PLCB1: variants seen among roughly 807,000 people sequenced by gnomAD.
The protein encoded by PLCB1 is 1-phosphatidylinositol 4,5-bisphosphate phosphodiesterase beta-1.
In PLCB1, 46 loss-of-function variants were observed where a neutral mutation model predicts 161.8. The observed-to-expected ratio is 0.28, with a 90% CI of 0.22 to 0.36. The LOEUF is 0.36. Ranked by LOEUF, PLCB1 falls within the 10% of genes least tolerant of loss-of-function variation. The pLI is 1.00. For missense variants in PLCB1, 1,016 were observed against 1,472.5 expected (o/e 0.69, Z 5.07); for synonymous variants, 517 against 503.7 (o/e 1.03, Z -0.35).
intron 3 of PLCB1, among the ~76,000 whole-genome samples, chr20:8,478,371 G>GA (rs1009753579): frequency 3.3e-5 from 5 of 149,458 alleles, no homozygotes; most frequent in East Asian, 1.9e-4. Context: ...AGACTGAGCA[G>GA]AAAAAAAAAA....
chr20:8,279,025 G>A (rs1292139155), intron 2 of PLCB1, among the ~76,000 whole-genome samples: 1 of 151,610 alleles, frequency 6.6e-6, no homozygotes, highest in Non-Finnish European at 1.5e-5. Flanking sequence ...CAAGGATGTA[G>A]AAAAATTAGA....
At chr20:8,430,517 C>T (rs1239801749) in intron 3 of PLCB1, among the ~76,000 whole-genome samples, 3 of 152,160 alleles carry the variant, frequency 2.0e-5, no homozygotes, top group Non-Finnish European at 2.9e-5. Context: ...ATGCAAGTCT[C>T]ATGGGTATAT....
In PLCB1 at chr20:8,386,158, C is replaced by A. The variant is rs748974312; in HGVS notation, c.246+14708C>A. On this transcript the variant is annotated intron_variant, in intron 3 of 31. Coordinates refer to ENST00000338037, the MANE Select transcript of PLCB1 (RefSeq NM_015192.4). ...TAATGTTGATATTTTGACCTTCTCCCATGAATCTTGAATGTTCTTAATGGC... is the reference window on the plus strand; with the variant it reads ...TAATGTTGATATTTTGACCTTCTCCAATGAATCTTGAATGTTCTTAATGGC... Among the ~76,000 whole-genome samples the A allele has an allele frequency of 2.3e-4, 35 of 152,140 alleles. 1 individual carries two copies. Among genetic ancestry groups the A allele is most frequent in the Non-Finnish European group, 5.0e-4 (34 of 68,024 alleles).
chr20:8,309,842 CTAAGAAAGGGATTAGCACGCTAGCCAAT>C (rs1307745504), intron 2 of PLCB1, among the ~76,000 whole-genome samples: 1 of 152,074 alleles, frequency 6.6e-6, no homozygotes. Context: ...AAGTGTTCTT[CTAAGAAAGGGATTAGCACGCTAGCCAAT>C]TAAGGGAGTT....
At chr20:8,541,268 T>C (rs1303305475) in intron 3 of PLCB1, among the ~76,000 whole-genome samples, 1 of 152,162 alleles carries the variant, frequency 6.6e-6, no homozygotes, top group Non-Finnish European at 1.5e-5. Context: ...CTCCAAATAT[T>C]AAGGAAGGCT....
intron 3 of PLCB1, among the ~76,000 whole-genome samples, chr20:8,407,592 A>T (rs1978841550): frequency 6.6e-6 from 1 of 152,210 alleles, no homozygotes; most frequent in African/African-American, 2.4e-5. Context: ...TATCACGAGA[A>T]TAGCATGGGA....
At chr20:8,587,623 T>C (rs1043722643) in intron 3 of PLCB1, among the ~76,000 whole-genome samples, 57 of 152,288 alleles carry the variant, frequency 3.7e-4, no homozygotes, top group African/African-American at 1.3e-3. Context: ...CAAGATTGCA[T>C]GGGGAGGAAT....
intron 31 of PLCB1, among the ~76,000 whole-genome samples, chr20:8,814,577 ATGTGTGTG>A (rs10670728): frequency 3.8e-4 from 55 of 145,286 alleles, no homozygotes; most frequent in African/African-American, 1.2e-3. Context: ...ATGTACTTGC[ATGTGTGTG>A]TGTGTGTGTG....
intron 1 of PLCB1, among the ~76,000 whole-genome samples, chr20:8,138,109 C>G (rs2051366900): frequency 6.6e-6 from 1 of 152,204 alleles, no homozygotes; most frequent in Non-Finnish European, 1.5e-5. Context: ...CTGACTAGTA[C>G]AGTACTGTTG....
At chr20:8,188,289 A>C (rs2051928256) in intron 2 of PLCB1, among the ~76,000 whole-genome samples, 1 of 152,168 alleles carries the variant, frequency 6.6e-6, no homozygotes, top group Admixed American at 6.6e-5. Flanking sequence ...CTTTGGCCAA[A>C]GCAAGTTACA....
chr20:8,133,607 C>T (rs763594722), intron 1 of PLCB1, among the ~76,000 whole-genome samples: 2 of 152,182 alleles, frequency 1.3e-5, no homozygotes, highest in South Asian at 4.1e-4. Flanking sequence ...TTCCCCTCTA[C>T]CCCAGTTGTC....
chr20:8,495,808 A>G (rs1280778338), intron 3 of PLCB1, among the ~76,000 whole-genome samples: 2 of 152,028 alleles, frequency 1.3e-5, no homozygotes, highest in African/African-American at 4.8e-5. Context: ...TGTATTCTCT[A>G]TTCCATCCTT....
At chr20:8,689,080 T>C (rs1990417693) in intron 10 of PLCB1, among the ~76,000 whole-genome samples, 1 of 76,930 alleles carries the variant, frequency 1.3e-5, no homozygotes, top group African/African-American at 6.3e-5. Flanking sequence ...GGTATATTCC[T>C]CAGTATTTTT....
intron 2 of PLCB1, among the ~76,000 whole-genome samples, chr20:8,241,411 G>A (rs556355763): frequency 6.6e-6 from 1 of 151,950 alleles, no homozygotes; most frequent in South Asian, 2.1e-4. Context: ...CACAGCACTT[G>A]AACGCTCTCG....
At chr20:8,873,263 C>T (rs1228396976) in intron 31 of PLCB1, among the ~76,000 whole-genome samples, 1 of 152,134 alleles carries the variant, frequency 6.6e-6, no homozygotes, top group Admixed American at 6.5e-5. Flanking sequence ...TGAGATTATT[C>T]TAAAAATAAG....
At chr20:8,478,319 T>C (rs1982365074) in intron 3 of PLCB1, among the ~76,000 whole-genome samples, 1 of 152,024 alleles carries the variant, frequency 6.6e-6, no homozygotes, top group East Asian at 1.9e-4. Flanking sequence ...TTATGAAATA[T>C]TGAAAAAGCA....
chr20:8,254,008 A>G (rs1372371846), intron 2 of PLCB1, among the ~76,000 whole-genome samples: 1 of 151,948 alleles, frequency 6.6e-6, no homozygotes, highest in Admixed American at 6.6e-5. Context: ...CATTTTCTTT[A>G]TCAAATCCAC....
chr20:8,337,346 A>G (rs61016090), intron 2 of PLCB1, among the ~76,000 whole-genome samples: 2 of 152,200 alleles, frequency 1.3e-5, no homozygotes, highest in Admixed American at 6.5e-5. Context: ...CAAGTTGAGG[A>G]TCTCACTGTT....
chr20:8,636,977 A>G (rs1988780796), intron 4 of PLCB1, among the ~76,000 whole-genome samples: 1 of 151,874 alleles, frequency 6.6e-6, no homozygotes, highest in South Asian at 2.1e-4. Flanking sequence ...CAGCTAAGTA[A>G]GCCCTGATTG....
Sources: gnomAD v4.1 joint callset for allele counts (sites outside exome capture counted in the v4.1 genomes callset) on GRCh38, gnomAD v4.1.1 for gene constraint, MANE v1.5 for transcripts, NCBI Gene and HGNC (gene_info 2026-07-23, HGNC 2026-07-21) for gene names.